Variants in RBFOX1 observed in about 807,000 individuals in gnomAD.
RBFOX1 encodes the protein RNA binding protein fox-1 homolog 1.
A neutral mutation model predicts 57.7 loss-of-function variants in RBFOX1; 8 were observed. That is an observed-to-expected ratio of 0.14 (90% CI 0.08 to 0.25). The LOEUF (loss-of-function observed/expected upper bound fraction) is 0.25, where lower values mean the gene tolerates loss of function less well. RBFOX1 is among the 10% of genes least tolerant of loss of function. RBFOX1 has a pLI of 1.00. For missense variants in RBFOX1, 611 were observed against 548.5 expected (o/e 1.11, Z -1.14); for synonymous variants, 326 against 222.4 (o/e 1.47, Z -4.15).
chr16:5,388,954 G>A (rs1029412397), intron 1 of RBFOX1, among the ~76,000 whole-genome samples: 55 of 151,500 alleles, frequency 3.6e-4, no homozygotes, highest in Non-Finnish European at 6.9e-4. Context: ...CACTTTGGGA[G>A]GCCGAGGTGG....
chr16:5,473,571 G>T (rs1324466215), intron 2 of RBFOX1, among the ~76,000 whole-genome samples: 1 of 150,490 alleles, frequency 6.6e-6, no homozygotes, highest in Admixed American at 6.6e-5. Context: ...GGAAGAGTGG[G>T]TAGATGAATG....
chr16:7,378,370 C>G (rs1221884258), intron 4 of RBFOX1, among the ~76,000 whole-genome samples: 1 of 152,108 alleles, frequency 6.6e-6, no homozygotes, highest in Admixed American at 6.5e-5. Context: ...GCTAGCGAGA[C>G]CTCACGAAAC....
chr16:5,627,398 TTTAACC>T (rs200166681), intron 3 of RBFOX1, among the ~76,000 whole-genome samples: 3,247 of 152,242 alleles, frequency 0.021, 109 homozygotes, highest in African/African-American at 0.074. Flanking sequence ...AATTTTGCCT[TTTAACC>T]ATAGTGATCT....
chr16:6,432,349 G>A (rs1324289737), intron 2 of RBFOX1, among the ~76,000 whole-genome samples: 2 of 152,010 alleles, frequency 1.3e-5, no homozygotes, highest in South Asian at 4.2e-4. Context: ...TTTACCTGAA[G>A]CTTGTATCTC....
At chr16:5,952,730 C>A (rs73516266) in intron 4 of RBFOX1, among the ~76,000 whole-genome samples, 8,670 of 152,204 alleles carry the variant, frequency 0.057, 801 homozygotes, top group African/African-American at 0.19. Context: ...ATGGGCATCT[C>A]TCTGGGGTTT....
In RBFOX1 at chr16:5,553,428, G is replaced by A. The variant is rs530613283; in HGVS notation, c.259-45474G>A. 9.0e-3 allele frequency among the ~76,000 whole-genome samples: 1,358 copies of A among 151,310 alleles called. 9 individuals are homozygous for A. The highest frequency in any genetic ancestry group is 0.015 in the Non-Finnish European group (1,018 of 67,910). ...CCTCCCAGGTTCATGCCATTCTCCC[G>A]CCTCAGCCTCCCGAGTAGCTGGGAC... On this transcript the variant is annotated intron_variant, in intron 2 of 2. Coordinates refer to the RBFOX1 transcript ENST00000585867.
At chr16:6,884,966 C>A (rs745343447) in intron 3 of RBFOX1, among the ~76,000 whole-genome samples, 2 of 152,122 alleles carry the variant, frequency 1.3e-5, no homozygotes, top group Admixed American at 6.6e-5. Flanking sequence ...AGACCGCAAC[C>A]CAGATCTATC....
Position 7,120,830 on chromosome 16 carries a change from T to TACACACACACAC in RBFOX1, c.27+68750_27+68761dup, listed in dbSNP as rs397836603. 9.3e-3 allele frequency among the ~76,000 whole-genome samples: 809 copies of TACACACACACAC among 86,560 alleles called. 9 individuals are homozygous for TACACACACACAC. Among genetic ancestry groups the TACACACACACAC allele is most frequent in the African/African-American group, 0.03 (767 of 25,574 alleles). 56.8% of individuals were successfully genotyped at this position (86,560 alleles called of 152,430 possible). A position where few individuals can be genotyped will look rare whatever the true frequency, so the allele number is the denominator to read the frequency against. On this transcript the variant is annotated intron_variant, in intron 4 of 15. Transcript: ENST00000550418. ...ATGTAATATTTTATATATGTATATA[T>TACACACACACAC]ACACACACACACACACACACACACA...
At chr16:7,217,878 G>T (rs1268390176) in intron 4 of RBFOX1, among the ~76,000 whole-genome samples, 1 of 150,864 alleles carries the variant, frequency 6.6e-6, no homozygotes, top group Non-Finnish European at 1.5e-5. Flanking sequence ...ACGCGTGTGT[G>T]CATGTGTGTG....
At chr16:7,108,272 G>A (rs1307680766) in intron 4 of RBFOX1, among the ~76,000 whole-genome samples, 1 of 152,130 alleles carries the variant, frequency 6.6e-6, no homozygotes. Flanking sequence ...GGTATTCAGG[G>A]AGCTCAACAT....
intron 2 of RBFOX1, chr16:6,577,137 G>A (rs1019262454): frequency 2.0e-5 from 3 of 152,124 alleles, no homozygotes; most frequent in Non-Finnish European, 2.9e-5. Flanking sequence ...TGTTAAAAAC[G>A]GAGTTGTCAT....
At chr16:5,802,582 T>A (rs2055096211) in intron 3 of RBFOX1, among the ~76,000 whole-genome samples, 2 of 152,168 alleles carry the variant, frequency 1.3e-5, no homozygotes. Context: ...AGTTTTCAGA[T>A]CTTTCTCTTG....
At chr16:7,026,647 C>A (rs867432199) in intron 3 of RBFOX1, among the ~76,000 whole-genome samples, 5 of 152,136 alleles carry the variant, frequency 3.3e-5, no homozygotes, top group African/African-American at 1.2e-4. Context: ...TGGTCAGGAT[C>A]CAGCTGAAAC....
intron 3 of RBFOX1, among the ~76,000 whole-genome samples, chr16:5,797,909 G>T (rs982922746): frequency 6.6e-6 from 1 of 152,170 alleles, no homozygotes; most frequent in South Asian, 2.1e-4. Flanking sequence ...CACTCCATCT[G>T]CTTGAGGTTA....
intron 2 of RBFOX1, among the ~76,000 whole-genome samples, chr16:6,440,340 A>G (rs1444450156): frequency 6.6e-6 from 1 of 152,116 alleles, no homozygotes; most frequent in East Asian, 1.9e-4. Context: ...GGGATGGGAG[A>G]AGATGGAGAG....
chr16:6,714,923 T>C (rs907893686), intron 3 of RBFOX1, among the ~76,000 whole-genome samples: 1 of 152,114 alleles, frequency 6.6e-6, no homozygotes, highest in African/African-American at 2.4e-5. Context: ...TGGAGACAGA[T>C]TGGAGCTGAA....
intron 1 of RBFOX1, among the ~76,000 whole-genome samples, chr16:5,377,602 G>T (rs752527056): frequency 1.3e-5 from 2 of 150,612 alleles, no homozygotes; most frequent in Non-Finnish European, 2.9e-5. Flanking sequence ...GAGAGAGAAA[G>T]AACAAGAGAG....
intron 4 of RBFOX1, among the ~76,000 whole-genome samples, chr16:7,506,929 C>T (rs59380821): frequency 6.6e-6 from 1 of 152,068 alleles, no homozygotes; most frequent in Non-Finnish European, 1.5e-5. Flanking sequence ...TCAGTTTTAT[C>T]CCCACAGTGG....
At chr16:7,322,447 G>A (rs866436763) in intron 4 of RBFOX1, among the ~76,000 whole-genome samples, 4 of 152,314 alleles carry the variant, frequency 2.6e-5, no homozygotes, top group East Asian at 3.9e-4. Context: ...ATATGAGCCC[G>A]CCTTAAGGGA....
Sources: allele counts gnomAD v4.1 joint callset (sites outside exome capture counted in the v4.1 genomes callset), GRCh38; gene constraint gnomAD v4.1.1; transcripts MANE v1.5; gene names NCBI Gene and HGNC (gene_info 2026-07-23, HGNC 2026-07-21).